TMPRSS3: variants seen among roughly 807,000 people sequenced by gnomAD.
TMPRSS3 encodes the protein transmembrane serine protease 3, also known as transmembrane protease serine 3.
In TMPRSS3, 55 loss-of-function variants were observed where a neutral mutation model predicts 59.6. That is an observed-to-expected ratio of 0.92 (90% CI 0.74 to 1.16). The LOEUF is 1.16. TMPRSS3 is among the 50% of genes most tolerant of loss of function. The pLI is 0.00. For missense variants in TMPRSS3, 596 were observed against 579.4 expected (o/e 1.03, Z -0.29); for synonymous variants, 257 against 237.7 (o/e 1.08, Z -0.75).
At chr21:42,395,856 T>C (rs899352145) in intron 1 of TMPRSS3, 86 bp downstream of exon 1, 2 of 463,224 alleles carry the variant, frequency 4.3e-6, no homozygotes, top group Non-Finnish European at 8.7e-6. Flanking sequence ...TTTTTTGCGA[T>C]TGTTTTCACC....
At chr21:42,386,383 G>A (rs756224918) in intron 5 of TMPRSS3, among the ~76,000 whole-genome samples, 1 of 152,224 alleles carries the variant, frequency 6.6e-6, no homozygotes, top group Non-Finnish European at 1.5e-5. Flanking sequence ...CGGCGGGCAC[G>A]ACCTTCGCAG....
At chr21:42,384,797 A>T (rs1253562813) in intron 6 of TMPRSS3, among the ~76,000 whole-genome samples, 3 of 152,184 alleles carry the variant, frequency 2.0e-5, no homozygotes, top group Non-Finnish European at 2.9e-5. Context: ...GAGAATATGG[A>T]ATTGGATTCA....
At chr21:42,386,011 A>G (rs1437914063) in intron 5 of TMPRSS3, among the ~76,000 whole-genome samples, 2 of 152,222 alleles carry the variant, frequency 1.3e-5, no homozygotes, top group Non-Finnish European at 2.9e-5. Context: ...GCCCAGGACC[A>G]GCGCAGAGCC....
intron 10 of TMPRSS3, among the ~76,000 whole-genome samples, chr21:42,379,616 G>A (rs2052486875): frequency 6.6e-6 from 1 of 152,158 alleles, no homozygotes; most frequent in Non-Finnish European, 1.5e-5. Flanking sequence ...GGTGGCCCGG[G>A]CTTCATTTGC....
chr21:42,390,122 C>A, intron 2 of TMPRSS3, 85 bp from the exon 3 acceptor site: 1 of 1,042,410 alleles, frequency 9.6e-7, no homozygotes, highest in Non-Finnish European at 1.5e-6. Context: ...TATCCTTTCC[C>A]CCTCCCCTCT....
rs758055060 is a variant in TMPRSS3 at position 42,375,725 on chromosome 21, C to G, written c.1335G>C (p.Glu445Asp). The G allele has an allele frequency of 1.9e-6, 3 of 1,613,792 alleles. No individual in the cohort carries two copies. In the South Asian group the frequency reaches 3.3e-5, roughly 18 times the overall value. ...RVTSFLDWIH[E>D]QMERDLKT ...AGGGCGCCGCACCCACCTCCATCTG[C>G]TCGTGGATCCAGTCCAGGAAGGAGG... is the stretch of plus-strand genomic sequence containing the variant. The change falls in exon 12 of 13, where the codon GAG (glutamate) becomes GAC (aspartate). Residue 445 changes from glutamate to aspartate, a missense_variant. Transcript: ENST00000644384.
At position 42,385,629 on chromosome 21, in the gene TMPRSS3, A is replaced by T. The variant is rs1426746818; in HGVS notation, c.447-95T>A. ...AGTCACAATATTACAGGGATTGTAC[A>T]TGGGGGATGTCATTTTGTCCCCCCA... On this transcript the variant is annotated intron_variant, in intron 5 of 12. Coordinates refer to ENST00000644384, the MANE Select transcript of TMPRSS3 (RefSeq NM_001256317.3). 4 of 1,496,942 alleles carry T rather than the reference A, an allele frequency of 2.7e-6. No individual in the cohort carries two copies. The Admixed American group carries it at 6.7e-5, about 25-fold the overall frequency. 92.7% of individuals were successfully genotyped at this position (1,496,942 alleles called of 1,614,324 possible). A position where few individuals can be genotyped will look rare whatever the true frequency, so the allele number is the denominator to read the frequency against.
intron 9 of TMPRSS3, 63 bp from the exon 10 acceptor site, chr21:42,380,275 A>G (rs748503069): frequency 7.2e-7 from 1 of 1,381,166 alleles, no homozygotes; most frequent in Middle Eastern, 1.8e-4. Flanking sequence ...AAACAATCTC[A>G]TCTATGCTTC....
At chr21:42,387,849 G>A (rs1278015266) in intron 5 of TMPRSS3, among the ~76,000 whole-genome samples, 1 of 152,174 alleles carries the variant, frequency 6.6e-6, no homozygotes, top group Non-Finnish European at 1.5e-5. Flanking sequence ...TCACTCCAAT[G>A]CAAAAAATCA....
intron 12 of TMPRSS3, among the ~76,000 whole-genome samples, chr21:42,374,825 T>C (rs1233545689): frequency 6.0e-5 from 9 of 150,630 alleles, no homozygotes; most frequent in Non-Finnish European, 2.9e-5. Flanking sequence ...CAAAATGATA[T>C]ATAATGAAAC....
chr21:42,385,329 T>C, intron 6 of TMPRSS3, 80 bp downstream of exon 6: 3 of 1,591,330 alleles, frequency 1.9e-6, no homozygotes, highest in African/African-American at 1.3e-5. Context: ...TCTTAAGTCC[T>C]TGTGGAGTTG....
intron 2 of TMPRSS3, among the ~76,000 whole-genome samples, chr21:42,392,957 T>C (rs1039976744): frequency 5.9e-5 from 9 of 152,248 alleles, no homozygotes; most frequent in Admixed American, 1.3e-4. Context: ...CTTGAGGACA[T>C]TGCCTGGAAT....
chr21:42,380,248 G>A, intron 9 of TMPRSS3, 36 bp from the exon 10 acceptor site: 1 of 1,543,110 alleles, frequency 6.5e-7, no homozygotes, highest in South Asian at 1.1e-5. Flanking sequence ...CAACTCAATT[G>A]AAGCAGGAGT....
At chr21:42,391,138 G>T (rs374248360) in intron 2 of TMPRSS3, among the ~76,000 whole-genome samples, 1 of 152,248 alleles carries the variant, frequency 6.6e-6, no homozygotes, top group South Asian at 2.1e-4. Flanking sequence ...CACACGGGGG[G>T]CTTGCAGGCA....
intron 9 of TMPRSS3, 87 bp from the exon 10 acceptor site, chr21:42,380,299 C>T: frequency 9.4e-7 from 1 of 1,067,868 alleles, no homozygotes; most frequent in Non-Finnish European, 1.4e-6. Context: ...CTCTGAGGAG[C>T]CCAAACTATC....
Position 42,377,270 on chromosome 21 carries a change from G to A in TMPRSS3, c.1049-587C>T, listed in dbSNP as rs181521036. Among the ~76,000 whole-genome samples the A allele has an allele frequency of 6.1e-4, 93 of 152,356 alleles. No homozygotes were observed. In the East Asian group the frequency reaches 0.015, roughly 24 times the overall value. ...CCTGACGAAGTCACAGGGGTCTTTG[G>A]AGGAGCCGGAGGAGAAGCTGTGACG... On this transcript the variant is annotated intron_variant, in intron 10 of 12. Coordinates refer to ENST00000644384, the MANE Select transcript of TMPRSS3 (RefSeq NM_001256317.3).
At chr21:42,383,728 G>A (rs535322984) in intron 7 of TMPRSS3, 47 of 700,852 alleles carry the variant, frequency 6.7e-5, no homozygotes, top group Middle Eastern at 2.4e-4. Flanking sequence ...GACATCATGG[G>A]CCTTGGTCCT....
chr21:42,375,186 C>A (rs2052401622), intron 12 of TMPRSS3, among the ~76,000 whole-genome samples: 1 of 151,712 alleles, frequency 6.6e-6, no homozygotes, highest in Admixed American at 6.6e-5. Flanking sequence ...GGGTGCCCCC[C>A]TGCAGGCCCC....
chr21:42,388,492 C>T lies in TMPRSS3; in HGVS notation c.357G>A (p.Val119=), dbSNP rs748912691. 3 of 1,614,098 alleles carry T rather than the reference C, an allele frequency of 1.9e-6. No individual in the cohort carries two copies. The African/African-American group carries it at 4.0e-5, about 22-fold the overall frequency. Residue 119 remains valine (V), a synonymous_variant, in exon 5 of 13, where the codon GTG becomes GTA. Coordinates refer to ENST00000644384, the MANE Select transcript of TMPRSS3 (RefSeq NM_001256317.3). This position sits in a 1 kb window ranked among gnomAD's most constrained non-coding sequence, Gnocchi z 5.1. ...TGGTCTTCCACGAAGCAGCTGTGAA[C>T]ACCTGGAGCACGGCATTCTGACCAC... The part of the protein sequence containing the change: ...RVGGQNAVLQ[V]FTAASWKTMC...
Sources: gnomAD v4.1 joint callset for allele counts (sites outside exome capture counted in the v4.1 genomes callset) on GRCh38, gnomAD v4.1.1 for gene constraint, Gnocchi (gnomAD v3.1) non-coding constraint, MANE v1.5 for transcripts, NCBI Gene and HGNC (gene_info 2026-07-23, HGNC 2026-07-21) for gene names.